The following PICALM variants were observed in gnomAD, a reference collection of about 807,000 sequenced individuals.
The protein encoded by PICALM is phosphatidylinositol binding clathrin assembly protein, also known as phosphatidylinositol-binding clathrin assembly protein.
A neutral mutation model predicts 80.5 loss-of-function variants in PICALM; 40 were observed. The ratio of observed to expected loss-of-function variants is 0.50; its 90% CI spans 0.39 to 0.65. PICALM has a LOEUF of 0.65. PICALM is among the 30% of genes least tolerant of loss of function. The pLI is 0.00. For synonymous variants in PICALM, 288 were observed against 260.3 expected (o/e 1.11, Z -1.02); for missense variants, 676 against 778.9 (o/e 0.87, Z 1.57).
rs200581450 is a variant in PICALM, at chr11:86,000,787, G to A, written c.1018-8C>T. Reference sequence around the variant, plus strand: ...TTCTTTTAGGCGCTGTTCCTGTTAAGAAAGGGAACTACCATAAGGATTCCA... The same window carrying A: ...TTCTTTTAGGCGCTGTTCCTGTTAAAAAAGGGAACTACCATAAGGATTCCA... On this transcript the variant is annotated splice_region_variant and splice_polypyrimidine_tract_variant and intron_variant, in intron 10 of 19. Transcript: ENST00000393346. The A allele has an allele frequency of 2.3e-5, 37 of 1,611,698 alleles. No homozygotes were observed. The highest frequency in any genetic ancestry group is 2.0e-4 in the African/African-American group (15 of 74,934).
intron 1 of PICALM, among the ~76,000 whole-genome samples, chr11:86,050,947 T>C (rs2096176351): frequency 6.6e-6 from 1 of 152,218 alleles, no homozygotes; most frequent in Non-Finnish European, 1.5e-5. Flanking sequence ...CTCAGTCACC[T>C]GAGTAGCTGG....
At position 85,981,018 on chromosome 11, in the gene PICALM, A is replaced by G. The variant is rs17817690; in HGVS notation, c.1779+111T>C. ...AAGAAATACAATTACTTATACTTCT[A>G]AACTCAGTAACAATCCTTCTATTTA... is the stretch of plus-strand genomic sequence containing the variant. On this transcript the variant is annotated intron_variant, in intron 17 of 19. Transcript: ENST00000393346. 0.18 allele frequency: 113,509 copies of G among 631,468 alleles called. 12,323 individuals are homozygous for G. The highest frequency in any genetic ancestry group is 0.21 in the Non-Finnish European group (75,433 of 351,962). 39.1% of individuals were successfully genotyped at this position (631,468 alleles called of 1,614,324 possible).
chr11:86,031,405 G>T (rs747467795), intron 2 of PICALM, 64 bp downstream of exon 2: 4 of 1,328,528 alleles, frequency 3.0e-6, no homozygotes, highest in South Asian at 2.8e-5. Flanking sequence ...AAGTTTCAGT[G>T]AGAGAAGCTA....
intron 9 of PICALM, 145 bp downstream of exon 9, chr11:86,003,221 T>G (rs555959520): frequency 2.0e-6 from 1 of 494,646 alleles, no homozygotes; most frequent in South Asian, 3.7e-5. Flanking sequence ...ATACTAATTC[T>G]ATGAGGCTGA....
At chr11:86,006,395 C>G (rs189184920) in intron 8 of PICALM, among the ~76,000 whole-genome samples, 70 of 152,284 alleles carry the variant, frequency 4.6e-4, no homozygotes, top group Non-Finnish European at 2.8e-4. Context: ...CGCCTGTAAT[C>G]CCAACACTTT....
At chr11:86,056,134 T>TAAAAAAAAAAAAAAAAGAAA (rs376759395) in intron 1 of PICALM, among the ~76,000 whole-genome samples, 1 of 76,820 alleles carries the variant, frequency 1.3e-5, no homozygotes. Context: ...GACTCTGTCT[T>TAAAAAAAAAAAAAAAAGAAA]TAAAAAAAAA....
At chr11:85,960,673 A>C in intron 19 of PICALM, 1 of 1,252,860 alleles carries the variant, frequency 8.0e-7, no homozygotes, top group Non-Finnish European at 1.1e-6. Context: ...AAGTAGCAAT[A>C]CCTAAAGTGA....
At position 86,068,679 on chromosome 11, in the gene PICALM, G is replaced by A. The variant is rs146840505; in HGVS notation, c.102C>T (p.Ile34=). The A allele has an allele frequency of 1.9e-6, 3 of 1,613,214 alleles. No individual in the cohort carries two copies. Among genetic ancestry groups the A allele is most frequent in the East Asian group, 2.2e-5 (1 of 44,858 alleles). The change falls in exon 1 of 20, where the codon ATC becomes ATT. Residue 34 remains isoleucine (I), a synonymous_variant. Coordinates refer to ENST00000393346, the MANE Select transcript of PICALM (RefSeq NM_007166.4). ...KTVCKATTHE[I]MGPKKKHLDY... ...CCAGGTGCTTTTTCTTGGGCCCCAT[G>A]ATCTCGTGGGTCGTGGCCTTGCATA...
chr11:86,059,581 G>A (rs376749000), intron 1 of PICALM, among the ~76,000 whole-genome samples: 1 of 152,068 alleles, frequency 6.6e-6, no homozygotes, highest in Non-Finnish European at 1.5e-5. Flanking sequence ...CCAGAAGTTC[G>A]AGACCAGCCT....
At chr11:86,007,702 G>A (rs894877347) in intron 7 of PICALM, 119 bp from the exon 8 acceptor site, 4 of 337,876 alleles carry the variant, frequency 1.2e-5, no homozygotes, top group African/African-American at 8.9e-5. Flanking sequence ...TAAGAATCAG[G>A]AAAATATTTA....
chr11:86,041,090 C>A (rs2095956296), intron 1 of PICALM, among the ~76,000 whole-genome samples: 1 of 152,174 alleles, frequency 6.6e-6, no homozygotes, highest in South Asian at 2.1e-4. Context: ...ACTTTTCACA[C>A]TTCATTACAA....
intron 19 of PICALM, among the ~76,000 whole-genome samples, chr11:85,966,223 C>G (rs549156717): frequency 6.7e-6 from 1 of 149,994 alleles, no homozygotes; most frequent in Non-Finnish European, 1.5e-5. Flanking sequence ...TTTCCCCCCC[C>G]AAAGACAGGG....
chr11:86,016,877 A>G (rs1224220156), intron 4 of PICALM, among the ~76,000 whole-genome samples: 1 of 152,182 alleles, frequency 6.6e-6, no homozygotes, highest in African/African-American at 2.4e-5. Context: ...GAAAATAACA[A>G]AAAGCAATTG....
intron 19 of PICALM, among the ~76,000 whole-genome samples, chr11:85,966,635 T>C (rs1029088677): frequency 5.9e-5 from 9 of 152,164 alleles, no homozygotes; most frequent in Middle Eastern, 3.2e-3. Context: ...AAAAGATGTG[T>C]TGAAGTCCTA....
chr11:86,046,923 C>A (rs1297886418), intron 1 of PICALM, among the ~76,000 whole-genome samples: 4 of 152,226 alleles, frequency 2.6e-5, no homozygotes, highest in Non-Finnish European at 5.9e-5. Context: ...CAGGCATGAG[C>A]CACCGTGCTT....
intron 1 of PICALM, among the ~76,000 whole-genome samples, chr11:86,041,206 TTTA>T (rs1169308362): frequency 6.6e-6 from 1 of 152,174 alleles, no homozygotes; most frequent in Non-Finnish European, 1.5e-5. Flanking sequence ...ACCTTAAATA[TTTA>T]TTAAATTAAT....
At chr11:86,000,381 T>C (rs2095105702) in intron 11 of PICALM, among the ~76,000 whole-genome samples, 2 of 152,346 alleles carry the variant, frequency 1.3e-5, no homozygotes, top group South Asian at 2.1e-4. Context: ...TTTTACACAA[T>C]GAAAAGTTGG....
Position 85,976,859 on chromosome 11 carries a change from A to G in PICALM, c.1780-177T>C, listed in dbSNP as rs866826301. On this transcript the variant is annotated intron_variant, in intron 17 of 19. Coordinates refer to ENST00000393346, the MANE Select transcript of PICALM (RefSeq NM_007166.4). ...GGTCAGTGAAAAAAAGTGTTTTGAA[A>G]TTAGCAGAAAAGCAGACTTATTAGA... 12 of 517,128 alleles carry G rather than the reference A, an allele frequency of 2.3e-5. No homozygotes were observed. The Middle Eastern group carries it at 9.9e-4, about 43-fold the overall frequency. 32.0% of individuals were successfully genotyped at this position (517,128 alleles called of 1,614,324 possible). A position where few individuals can be genotyped will look rare whatever the true frequency, so the allele number is the denominator to read the frequency against.
At chr11:86,044,041 T>C (rs969500658) in intron 1 of PICALM, among the ~76,000 whole-genome samples, 3 of 152,236 alleles carry the variant, frequency 2.0e-5, no homozygotes, top group African/African-American at 7.2e-5. Context: ...TAGTATTAAC[T>C]GCATACTATA....
Sources: allele counts gnomAD v4.1 joint callset (sites outside exome capture counted in the v4.1 genomes callset), GRCh38; gene constraint gnomAD v4.1.1; transcripts MANE v1.5; gene names NCBI Gene and HGNC (gene_info 2026-07-23, HGNC 2026-07-21).